The following PUDP variants were observed in gnomAD, a reference collection of about 807,000 sequenced individuals.
PUDP encodes pseudouridine-5'-phosphatase.
In PUDP, 8 loss-of-function variants were observed where a neutral mutation model predicts 9.4. The observed-to-expected ratio is 0.85, with a 90% CI of 0.50 to 1.53. PUDP has a LOEUF of 1.53. PUDP is among the 40% of genes most tolerant of loss of function. The pLI, the probability that PUDP is intolerant of heterozygous loss-of-function variation, is 0.00. For missense variants in PUDP, 188 were observed against 189.7 expected, an observed-to-expected ratio of 0.99 and a Z score of 0.05; for synonymous variants, 99 against 80.7, an observed-to-expected ratio of 1.23 and a Z score of -1.22.
chrX:6,753,624 C>T (rs778869954), intron 3 of PUDP, among the ~76,000 whole-genome samples: 32 of 111,916 alleles, frequency 2.9e-4, no homozygotes, highest in Admixed American at 5.7e-4. Flanking sequence ...ACTGCATCCA[C>T]GCCAATATCT....
At chrX:6,822,046 G>A (rs1342557160) in intron 3 of PUDP, among the ~76,000 whole-genome samples, 1 of 111,503 alleles carries the variant, frequency 9.0e-6, no homozygotes, top group African/African-American at 3.3e-5. Flanking sequence ...TTTCACCACG[G>A]AACTGGCAAC....
At chrX:6,992,032 G>C (rs935666289) in intron 1 of PUDP, among the ~76,000 whole-genome samples, 4 of 110,846 alleles carry the variant, frequency 3.6e-5, no homozygotes, top group African/African-American at 1.3e-4. Context: ...TCCTGAGTTT[G>C]CCTAAATGTC....
chrX:6,781,989 C>T (rs771227065), intron 3 of PUDP, among the ~76,000 whole-genome samples: 1 of 111,981 alleles, frequency 8.9e-6, no homozygotes, highest in African/African-American at 3.2e-5. Context: ...TATCAGAGTC[C>T]TTTTCTCAAG....
At chrX:7,071,824 T>G (rs1351831031) in intron 3 of PUDP, among the ~76,000 whole-genome samples, 2 of 108,002 alleles carry the variant, frequency 1.9e-5, no homozygotes, top group Non-Finnish European at 3.8e-5. Flanking sequence ...TCACCCAGGC[T>G]GGAGGGCAGT....
chrX:6,776,009 T>A lies in PUDP; in HGVS notation c.*248-69543A>T, dbSNP rs1925452541. 2.7e-5 allele frequency among the ~76,000 whole-genome samples: 3 copies of A among 111,696 alleles called. No individual in the cohort carries two copies. The South Asian group carries it at 1.1e-3, about 42-fold the overall frequency. On this transcript the variant is annotated intron_variant and NMD_transcript_variant, in intron 3 of 3. Transcript: ENST00000655425. The stretch of plus-strand genomic sequence containing the variant: ...CTCCGTTTTCACCTTACTGAGGAAA[T>A]GACAAACCCTTTCTCACGGTGGCTG...
At chrX:6,873,423 C>T (rs1927205411) in intron 3 of PUDP, among the ~76,000 whole-genome samples, 1 of 111,893 alleles carries the variant, frequency 8.9e-6, no homozygotes, top group South Asian at 3.7e-4. Context: ...GTAACATGCT[C>T]CTGGTCTAAA....
chrX:7,069,044 C>G (rs1930651432), intron 3 of PUDP, among the ~76,000 whole-genome samples: 1 of 111,826 alleles, frequency 8.9e-6, no homozygotes, highest in Non-Finnish European at 1.9e-5. Context: ...AACACCAAAA[C>G]AACACCTGCA....
At chrX:6,883,791 C>T (rs1307309103) in intron 3 of PUDP, among the ~76,000 whole-genome samples, 1 of 111,691 alleles carries the variant, frequency 9.0e-6, no homozygotes, top group African/African-American at 3.2e-5. Flanking sequence ...AGGTAGTATT[C>T]ATAGGTATTA....
At chrX:6,942,571 C>G (rs191983741) in intron 3 of PUDP, among the ~76,000 whole-genome samples, 2 of 111,926 alleles carry the variant, frequency 1.8e-5, no homozygotes, top group Admixed American at 9.5e-5. Context: ...TATTCTAATA[C>G]CTTTTAGGTA....
intron 3 of PUDP, among the ~76,000 whole-genome samples, chrX:6,757,225 A>G (rs374284955): frequency 9.0e-6 from 1 of 111,653 alleles, no homozygotes; most frequent in East Asian, 2.8e-4. Context: ...CCCTACAAAC[A>G]CTGAGCAGTT....
At chrX:6,830,414 T>C (rs1470179396) in intron 3 of PUDP, among the ~76,000 whole-genome samples, 1 of 112,241 alleles carries the variant, frequency 8.9e-6, no homozygotes, top group African/African-American at 3.2e-5. Context: ...GTCAGAATTA[T>C]GTGGTACTCA....
At chrX:6,772,630 GAAAAA>G (rs386416546) in intron 3 of PUDP, among the ~76,000 whole-genome samples, 1 of 96,920 alleles carries the variant, frequency 1.0e-5, no homozygotes, top group African/African-American at 3.8e-5. Context: ...TACAGACAAG[GAAAAA>G]AAAAAAAAAA....
At chrX:7,088,426 C>T (rs1293768191) in intron 2 of PUDP, among the ~76,000 whole-genome samples, 1 of 111,452 alleles carries the variant, frequency 9.0e-6, no homozygotes, top group Non-Finnish European at 1.9e-5. Context: ...AAAAGCCTCT[C>T]CACCTGATCC....
chrX:6,866,068 G>A lies in PUDP; in HGVS notation c.*247+111065C>T, dbSNP rs1239698952. On this transcript the variant is annotated intron_variant and NMD_transcript_variant, in intron 3 of 3. Transcript: ENST00000655425. Reference sequence around the variant, plus strand: ...CCTGAGTAGCTGTGATTACAGGCACGTGCCACCATGCAGGACTATTTTTTC... The same window carrying A: ...CCTGAGTAGCTGTGATTACAGGCACATGCCACCATGCAGGACTATTTTTTC... Among the ~76,000 whole-genome samples, 8 of 110,468 alleles carry A rather than the reference G, an allele frequency of 7.2e-5. No individual in the cohort carries two copies. In the East Asian group the frequency reaches 8.5e-4, roughly 12 times the overall value.
chrX:7,050,509 T>C (rs1930070306), intron 3 of PUDP, 37 bp from the exon 4 acceptor site: 1 of 1,139,258 alleles, frequency 8.8e-7, no homozygotes, highest in South Asian at 1.9e-5. Context: ...TGGCCTTTTA[T>C]GGAACCAGAC....
intron 3 of PUDP, among the ~76,000 whole-genome samples, chrX:6,864,096 T>G (rs866421764): frequency 9.0e-6 from 1 of 111,390 alleles, no homozygotes; most frequent in Middle Eastern, 4.6e-3. Context: ...GCTTATCTTG[T>G]GGGGGATCTT....
intron 3 of PUDP, among the ~76,000 whole-genome samples, chrX:6,838,835 A>G (rs1458379116): frequency 8.9e-6 from 1 of 112,071 alleles, no homozygotes; most frequent in Non-Finnish European, 1.9e-5. Flanking sequence ...TTTCTTTGCT[A>G]GTAGAATAAA....
intron 3 of PUDP, among the ~76,000 whole-genome samples, chrX:6,961,754 T>C (rs1343611444): frequency 9.0e-6 from 1 of 111,563 alleles, no homozygotes; most frequent in Admixed American, 9.6e-5. Context: ...GGTCAGTGCA[T>C]GACCCAAGAA....
intron 1 of PUDP, among the ~76,000 whole-genome samples, chrX:7,112,754 C>G (rs768773479): frequency 2.2e-4 from 24 of 111,532 alleles, no homozygotes; most frequent in Admixed American, 3.8e-4. Flanking sequence ...CCTGACCCCC[C>G]GGGCTCAAGT....
Sources: allele counts gnomAD v4.1 joint callset (sites outside exome capture counted in the v4.1 genomes callset), GRCh38; gene constraint gnomAD v4.1.1; transcripts MANE v1.5; gene names NCBI Gene and HGNC (gene_info 2026-07-23, HGNC 2026-07-21).